The following NTNG1 variants were observed in gnomAD, a reference collection of about 807,000 sequenced individuals.
NTNG1 encodes netrin-G1.
Under a neutral mutation model 54.0 loss-of-function variants are expected in NTNG1, and 16 were observed. The observed-to-expected ratio is 0.30, with a 90% CI of 0.20 to 0.45. The LOEUF (loss-of-function observed/expected upper bound fraction) is 0.45. NTNG1 is among the 20% of genes least tolerant of loss of function. The probability of loss-of-function intolerance (pLI) is 1.00; values close to 1 mark genes in which losing one functional copy is unlikely to be tolerated. For synonymous variants in NTNG1, 255 were observed against 263.1 expected (o/e 0.97, Z 0.30); for missense variants, 530 against 678.7 (o/e 0.78, Z 2.43).
intron 3 of NTNG1, among the ~76,000 whole-genome samples, chr1:107,368,586 C>A (rs1251388309): frequency 1.3e-4 from 20 of 152,192 alleles, no homozygotes. Context: ...TAACAGTGAG[C>A]ACTCACTGAG....
intron 2 of NTNG1, among the ~76,000 whole-genome samples, chr1:107,320,152 T>C (rs1185176548): frequency 6.6e-6 from 1 of 152,186 alleles, no homozygotes; most frequent in Non-Finnish European, 1.5e-5. Context: ...CACAATCTTC[T>C]TCTAATTGTT....
chr1:107,179,994 C>A (rs1472123154), intron 2 of NTNG1, among the ~76,000 whole-genome samples: 1 of 152,110 alleles, frequency 6.6e-6, no homozygotes, highest in Non-Finnish European at 1.5e-5. Flanking sequence ...CACACAGGAG[C>A]CTTAAATTTG....
intron 7 of NTNG1, among the ~76,000 whole-genome samples, chr1:107,475,777 G>C (rs1289315429): frequency 6.6e-6 from 1 of 152,082 alleles, no homozygotes. Flanking sequence ...CTTTGTTGTG[G>C]GGGGTTGTTC....
rs1261871821 is a variant in NTNG1 at position 107,482,054 on chromosome 1, G to GAAAAAA, written c.*1214_*1215insAAAAAA. On this transcript the variant is annotated 3_prime_UTR_variant, in exon 8 of 8. Transcript: ENST00000370068. ...TTTCCACTTGGGAAAAATTACAACA[G>GAAAAAA]CAAAAAAAAAAAAAAAAAAAAAAAA... The GAAAAAA allele has an allele frequency of 8.0e-5, 1 of 12,438 alleles. No homozygotes were observed. The highest frequency in any genetic ancestry group is 3.3e-4 in the African/African-American group (1 of 3,020). The allele number at this position is 12,438 out of a possible 1,614,324, so 0.8% of individuals were successfully genotyped here. A position where few individuals can be genotyped will look rare whatever the true frequency, so the allele number is the denominator to read the frequency against.
chr1:107,286,490 C>T (rs1223912388), intron 2 of NTNG1, among the ~76,000 whole-genome samples: 3 of 152,052 alleles, frequency 2.0e-5, no homozygotes, highest in East Asian at 1.9e-4. Context: ...TAATGAACGC[C>T]GTGGAGGATT....
intron 2 of NTNG1, among the ~76,000 whole-genome samples, chr1:107,281,683 A>T (rs911181224): frequency 5.3e-5 from 8 of 152,030 alleles, no homozygotes; most frequent in Non-Finnish European, 1.2e-4. Context: ...ATACCCATAA[A>T]TATATATATA....
At chr1:107,370,410 G>A (rs533409586) in intron 3 of NTNG1, among the ~76,000 whole-genome samples, 5 of 151,684 alleles carry the variant, frequency 3.3e-5, no homozygotes, top group Admixed American at 1.3e-4. Flanking sequence ...GGTTACATGA[G>A]TAAGTTCTTT....
chr1:107,291,279 G>A lies in NTNG1; in HGVS notation c.247-33003G>A, dbSNP rs181049347. On this transcript the variant is annotated intron_variant, in intron 2 of 7. Coordinates refer to ENST00000370068, the MANE Select transcript of NTNG1 (RefSeq NM_001113226.3). Reference sequence around the variant, plus strand: ...TTTCTTTTCTCTGGCTTACTTTATTGTAAGAATATAGTATATAATACATAT... The same window carrying A: ...TTTCTTTTCTCTGGCTTACTTTATTATAAGAATATAGTATATAATACATAT... Among the ~76,000 whole-genome samples the A allele has an allele frequency of 1.2e-3, 179 of 151,928 alleles. 1 individual carries two copies. Among genetic ancestry groups the A allele is most frequent in the Admixed American group, 2.1e-3 (32 of 15,246 alleles).
chr1:107,413,558 C>T (rs892033824), intron 5 of NTNG1, among the ~76,000 whole-genome samples: 1 of 152,068 alleles, frequency 6.6e-6, no homozygotes, highest in African/African-American at 2.4e-5. Flanking sequence ...CAGATAGTTT[C>T]CTCATATGCC....
intron 2 of NTNG1, among the ~76,000 whole-genome samples, chr1:107,199,484 A>T (rs1219049274): frequency 6.6e-6 from 1 of 151,940 alleles, no homozygotes; most frequent in African/African-American, 2.4e-5. Flanking sequence ...TATTAAAAAT[A>T]TGTACTGGAT....
intron 2 of NTNG1, among the ~76,000 whole-genome samples, chr1:107,297,027 G>A (rs999573727): frequency 1.3e-5 from 2 of 148,732 alleles, no homozygotes; most frequent in Admixed American, 1.4e-4. Flanking sequence ...CCTTTTTAAA[G>A]TGGAGCCCAG....
intron 2 of NTNG1, among the ~76,000 whole-genome samples, chr1:107,188,559 A>G (rs1430618345): frequency 2.6e-5 from 4 of 152,182 alleles, no homozygotes; most frequent in Admixed American, 2.0e-4. Flanking sequence ...TAATGCCAAG[A>G]GAAATGCCTT....
chr1:107,263,345 CTTTTTTTT>C (rs1339408576), intron 2 of NTNG1, among the ~76,000 whole-genome samples: 1 of 145,438 alleles, frequency 6.9e-6, no homozygotes, highest in East Asian at 2.0e-4. Context: ...TCCTTTTTTT[CTTTTTTTT>C]TCCTTTACAA....
At chr1:107,142,013 C>T (rs2100990780) in intron 1 of NTNG1, among the ~76,000 whole-genome samples, 1 of 152,108 alleles carries the variant, frequency 6.6e-6, no homozygotes, top group South Asian at 2.1e-4. Flanking sequence ...ATTACTATCC[C>T]ATGTTGTGCA....
At chr1:107,391,458 G>T (rs981950350) in intron 3 of NTNG1, among the ~76,000 whole-genome samples, 7 of 152,194 alleles carry the variant, frequency 4.6e-5, no homozygotes, top group Non-Finnish European at 1.0e-4. Context: ...TGCTAGAACT[G>T]TATGGATTGG....
At position 107,484,001 on chromosome 1, in the gene NTNG1, G is replaced by T. The variant is rs945723137; in HGVS notation, c.*3161G>T. ...CTGACTCTCCTCCAGCTTTCTCCCA[G>T]ATATCAGGAACCTAGAGTTTCCTAC... On this transcript the variant is annotated 3_prime_UTR_variant, in exon 8 of 8. Transcript: ENST00000370068. 6.6e-6 allele frequency among the ~76,000 whole-genome samples: 1 copy of T among 152,166 alleles called. No homozygotes were observed. Among genetic ancestry groups the T allele is most frequent in the Non-Finnish European group, 1.5e-5 (1 of 68,032 alleles).
chr1:107,407,900 A>C (rs752463484), intron 5 of NTNG1, 192 bp downstream of exon 5: 1 of 741,916 alleles, frequency 1.3e-6, no homozygotes, highest in South Asian at 1.4e-5. Context: ...TTATTTGTGC[A>C]TAACTCCATG....
intron 2 of NTNG1, among the ~76,000 whole-genome samples, chr1:107,248,400 G>A (rs1173243490): frequency 1.3e-5 from 2 of 152,222 alleles, no homozygotes; most frequent in Non-Finnish European, 2.9e-5. Context: ...AGGTGGTGAA[G>A]CCAGTTTTTG....
Position 107,403,436 on chromosome 1 carries a change from G to C in NTNG1, c.1061-4246G>C, listed in dbSNP as rs140547528. ...TAAAACTCATGCACTGGGGCTGAGCGTGGTGGCTTATACCTGTAATCCCAG... is the reference window on the plus strand; with the variant it reads ...TAAAACTCATGCACTGGGGCTGAGCCTGGTGGCTTATACCTGTAATCCCAG... On this transcript the variant is annotated intron_variant, in intron 4 of 7. Coordinates refer to ENST00000370068, the MANE Select transcript of NTNG1 (RefSeq NM_001113226.3). Among the ~76,000 whole-genome samples, 329 of 152,218 alleles carry C rather than the reference G, an allele frequency of 2.2e-3. 3 individuals carry two copies. The highest frequency in any genetic ancestry group is 7.5e-3 in the African/African-American group (312 of 41,538).
Sources: allele counts gnomAD v4.1 joint callset (sites outside exome capture counted in the v4.1 genomes callset), GRCh38; gene constraint gnomAD v4.1.1; transcripts MANE v1.5; gene names NCBI Gene and HGNC (gene_info 2026-07-23, HGNC 2026-07-21).